RARB: variants seen among roughly 807,000 people sequenced by gnomAD.
RARB encodes HBV-activated protein.
A neutral mutation model predicts 51.9 loss-of-function variants in RARB; 17 were observed. That is an observed-to-expected ratio of 0.33 (90% CI 0.22 to 0.49). The LOEUF is 0.49. Among genes scored for constraint, RARB ranks in the 20% least tolerant of loss-of-function variants. RARB has a pLI of 0.99. For missense variants in RARB, 369 were observed against 550.8 expected (o/e 0.67, Z 3.30); for synonymous variants, 215 against 195.4 (o/e 1.10, Z -0.84).
intron 2 of RARB, among the ~76,000 whole-genome samples, chr3:25,029,771 G>A (rs1434093303): frequency 5.9e-5 from 9 of 152,188 alleles, no homozygotes; most frequent in Admixed American, 5.9e-4. Context: ...TTCATTTTAG[G>A]AATGGGCAAT....
intron 2 of RARB, among the ~76,000 whole-genome samples, chr3:25,046,349 T>A (rs999678344): frequency 6.6e-6 from 1 of 152,196 alleles, no homozygotes; most frequent in African/African-American, 2.4e-5. Flanking sequence ...AAACTACAGG[T>A]CATTCATAGA....
chr3:25,127,196 T>G (rs1699874553), intron 3 of RARB, among the ~76,000 whole-genome samples: 2 of 152,152 alleles, frequency 1.3e-5, no homozygotes, highest in Non-Finnish European at 2.9e-5. Context: ...GCTTCTCGTT[T>G]TCATAGAATA....
chr3:24,970,998 G>A (rs530955549), intron 2 of RARB, among the ~76,000 whole-genome samples: 1 of 151,906 alleles, frequency 6.6e-6, no homozygotes, highest in African/African-American at 2.4e-5. Flanking sequence ...TCTTCATCTT[G>A]GTGCTCCCAG....
At chr3:25,431,427 C>A (rs1399376754) in intron 1 of RARB, among the ~76,000 whole-genome samples, 1 of 152,040 alleles carries the variant, frequency 6.6e-6, no homozygotes, top group Non-Finnish European at 1.5e-5. Flanking sequence ...GTAGTAGTGT[C>A]TGTGAATTGC....
chr3:24,847,422 C>T (rs1476742061), intron 1 of RARB, among the ~76,000 whole-genome samples: 1 of 152,174 alleles, frequency 6.6e-6, no homozygotes, highest in Non-Finnish European at 1.5e-5. Context: ...CTTAGTTTTC[C>T]ATATGAATTC....
At chr3:24,950,497 T>C (rs1402326793) in intron 2 of RARB, among the ~76,000 whole-genome samples, 1 of 152,172 alleles carries the variant, frequency 6.6e-6, no homozygotes, top group Admixed American at 6.5e-5. Context: ...TGCTCAAATA[T>C]GCTAGTTTTT....
intron 5 of RARB, among the ~76,000 whole-genome samples, chr3:25,415,183 G>T (rs1707669095): frequency 6.6e-6 from 1 of 152,070 alleles, no homozygotes; most frequent in African/African-American, 2.4e-5. Flanking sequence ...GTCTTCCAAA[G>T]AATAGAAGTT....
intron 5 of RARB, among the ~76,000 whole-genome samples, chr3:25,404,298 A>T (rs1707346101): frequency 6.6e-6 from 1 of 152,152 alleles, no homozygotes; most frequent in Admixed American, 6.6e-5. Flanking sequence ...TCTGTTTAAC[A>T]TTCCGACAGG....
At chr3:24,986,407 T>C (rs1320171985) in intron 2 of RARB, among the ~76,000 whole-genome samples, 1 of 152,212 alleles carries the variant, frequency 6.6e-6, no homozygotes, top group South Asian at 2.1e-4. Context: ...AAGATAAAAA[T>C]TATTTTAGAA....
intron 5 of RARB, among the ~76,000 whole-genome samples, chr3:25,335,569 C>T (rs1476713986): frequency 2.0e-5 from 3 of 152,162 alleles, no homozygotes; most frequent in Admixed American, 6.5e-5. Flanking sequence ...TGTGCAGTCA[C>T]CTCTTAAATT....
intron 1 of RARB, among the ~76,000 whole-genome samples, chr3:25,447,287 G>C (rs1000414842): frequency 6.6e-6 from 1 of 151,972 alleles, no homozygotes; most frequent in Middle Eastern, 3.2e-3. Flanking sequence ...TTAGCCCTGA[G>C]TATTTAAAGT....
chr3:25,100,255 G>A (rs1699374256), intron 3 of RARB, among the ~76,000 whole-genome samples: 1 of 152,170 alleles, frequency 6.6e-6, no homozygotes, highest in Non-Finnish European at 1.5e-5. Flanking sequence ...AGCAAGTTAA[G>A]GAAATAAATG....
intron 1 of RARB, among the ~76,000 whole-genome samples, chr3:25,431,639 T>C (rs140110606): frequency 3.9e-4 from 59 of 152,330 alleles, no homozygotes; most frequent in Non-Finnish European, 7.2e-4. Context: ...TAATATTTTG[T>C]GGTCTAAATA....
chr3:25,147,146 G>C (rs995961482), intron 4 of RARB, among the ~76,000 whole-genome samples: 2 of 152,148 alleles, frequency 1.3e-5, no homozygotes, highest in Admixed American at 6.6e-5. Flanking sequence ...ACAATTTCCA[G>C]AGGTATTTTC....
intron 5 of RARB, among the ~76,000 whole-genome samples, chr3:25,267,235 C>T (rs1036937387): frequency 4.6e-5 from 7 of 152,126 alleles, no homozygotes; most frequent in Non-Finnish European, 1.5e-5. Context: ...TCATTTTAAC[C>T]AGACTTTATT....
intron 3 of RARB, among the ~76,000 whole-genome samples, chr3:25,106,457 TG>T (rs1374635035): frequency 0.091 from 3,733 of 40,806 alleles, 514 homozygotes; most frequent in East Asian, 0.19. Flanking sequence ...TTTTGTTTTT[TG>T]TTTTTTTTTG....
chr3:25,469,560 A>T lies in RARB; in HGVS notation c.306+8219A>T, dbSNP rs182706937. ...ACTTCATTACTATATTGGATCACACAGAGTAGTTTCCCTCATAGACCCAAA... is the reference window on the plus strand; with the variant it reads ...ACTTCATTACTATATTGGATCACACTGAGTAGTTTCCCTCATAGACCCAAA... On this transcript the variant is annotated intron_variant, in intron 2 of 7. Coordinates refer to ENST00000330688, the MANE Select transcript of RARB (RefSeq NM_000965.5). Among the ~76,000 whole-genome samples the T allele has an allele frequency of 8.3e-4, 127 of 152,364 alleles. 1 individual carries two copies. Among genetic ancestry groups the T allele is most frequent in the Middle Eastern group, 3.4e-3 (1 of 294 alleles).
intron 5 of RARB, among the ~76,000 whole-genome samples, chr3:25,371,234 A>G (rs1706288816): frequency 6.6e-6 from 1 of 152,168 alleles, no homozygotes; most frequent in Non-Finnish European, 1.5e-5. Context: ...GATTAATACC[A>G]TTATTTTGGA....
chr3:25,278,183 G>A (rs915828947), intron 5 of RARB, among the ~76,000 whole-genome samples: 44 of 152,286 alleles, frequency 2.9e-4, no homozygotes, highest in African/African-American at 1.1e-3. Flanking sequence ...GTGGTGTGGT[G>A]GTTGGCGGTA....
Sources: gnomAD v4.1 joint callset for allele counts (sites outside exome capture counted in the v4.1 genomes callset) on GRCh38, gnomAD v4.1.1 for gene constraint, MANE v1.5 for transcripts, NCBI Gene and HGNC (gene_info 2026-07-23, HGNC 2026-07-21) for gene names.